Variants in ST6GALNAC3 observed in about 807,000 individuals in gnomAD.
ST6GALNAC3 encodes ST6 N-acetylgalactosaminide alpha-2,6-sialyltransferase 3.
Under a neutral mutation model 32.7 loss-of-function variants are expected in ST6GALNAC3, and 25 were observed. The ratio of observed to expected loss-of-function variants is 0.76; its 90% CI spans 0.56 to 1.07. The LOEUF is 1.07. Among genes scored for constraint, ST6GALNAC3 ranks in the 50% least tolerant of loss-of-function variants. The probability of loss-of-function intolerance (pLI) is 0.00; values close to 1 mark genes in which losing one functional copy is unlikely to be tolerated. For synonymous variants in ST6GALNAC3, 129 were observed against 133.1 expected (o/e 0.97, Z 0.21); for missense variants, 355 against 382.4 (o/e 0.93, Z 0.60).
At chr1:76,289,885 G>T (rs1256537188) in intron 1 of ST6GALNAC3, among the ~76,000 whole-genome samples, 3 of 152,198 alleles carry the variant, frequency 2.0e-5, no homozygotes, top group Non-Finnish European at 4.4e-5. Flanking sequence ...GTCATGAAGG[G>T]AACAGAGGGA....
intron 2 of ST6GALNAC3, among the ~76,000 whole-genome samples, chr1:76,347,107 A>G (rs1648587763): frequency 6.6e-6 from 1 of 152,154 alleles, no homozygotes; most frequent in Admixed American, 6.6e-5. Context: ...AGACAATGTA[A>G]TTTTGTTTGG....
In ST6GALNAC3 at chr1:76,565,294, G is replaced by A. The variant is rs151229870; in HGVS notation, c.624-62158G>A. On this transcript the variant is annotated intron_variant, in intron 3 of 4. Transcript: ENST00000328299. The stretch of plus-strand genomic sequence containing the variant: ...TGGATACCTTCTACACCACACAGGC[G>A]TTAAAGATTTTGGAGAGCTAACCTC... Among the ~76,000 whole-genome samples, 353 of 152,176 alleles carry A rather than the reference G, an allele frequency of 2.3e-3. 1 individual carries two copies. The highest frequency in any genetic ancestry group is 8.0e-3 in the African/African-American group (331 of 41,530).
intron 2 of ST6GALNAC3, among the ~76,000 whole-genome samples, chr1:76,337,792 A>G (rs139678761): frequency 2.8e-4 from 43 of 152,224 alleles, no homozygotes; most frequent in African/African-American, 1.0e-3. Flanking sequence ...GACACTTCCT[A>G]GGTACTTTTG....
chr1:76,412,132 A>T lies in ST6GALNAC3; in HGVS notation c.338A>T (p.Lys113Ile). ...TGGAGAATGAACAATGCCCCCACCA[A>T]AGGTTATGAAGAAGATGTCGGCCGC... ...CIWRMNNAPT[K>I]GYEEDVGRMT... The change falls in exon 3 of 5, where the codon AAA becomes ATA. Residue 113 changes from lysine to isoleucine, a missense_variant. Lys to Ile is a moderately radical substitution (Grantham distance 102). Transcript: ENST00000328299. 6.2e-7 allele frequency: 1 copy of T among 1,613,752 alleles called. No homozygotes were observed.
intron 2 of ST6GALNAC3, among the ~76,000 whole-genome samples, chr1:76,371,417 G>A (rs888917164): frequency 2.0e-5 from 3 of 152,186 alleles, no homozygotes; most frequent in Admixed American, 1.3e-4. Context: ...TTTGAAAACC[G>A]AGAGTTGTAG....
chr1:76,485,702 GT>G (rs1404982426), intron 3 of ST6GALNAC3, among the ~76,000 whole-genome samples: 1 of 151,992 alleles, frequency 6.6e-6, no homozygotes, highest in South Asian at 2.1e-4. Context: ...TTTTTGAAGG[GT>G]TTTTTGTGTC....
chr1:76,259,017 C>T (rs1658078649), intron 1 of ST6GALNAC3, among the ~76,000 whole-genome samples: 1 of 152,154 alleles, frequency 6.6e-6, no homozygotes, highest in Non-Finnish European at 1.5e-5. Flanking sequence ...GATTTATATT[C>T]TCCCTACCTT....
chr1:76,206,710 C>T (rs963441989), intron 1 of ST6GALNAC3, among the ~76,000 whole-genome samples: 4 of 151,098 alleles, frequency 2.6e-5, no homozygotes, highest in Non-Finnish European at 4.4e-5. Context: ...TCCAGCCTGG[C>T]GATAGAGCGA....
At chr1:76,411,974 A>G (rs890666543) in intron 2 of ST6GALNAC3, 34 bp from the exon 3 acceptor site, 73 of 1,589,214 alleles carry the variant, frequency 4.6e-5, no homozygotes, top group Non-Finnish European at 6.1e-5. Context: ...AGTGGAATTT[A>G]CTAATTTACA....
intron 1 of ST6GALNAC3, among the ~76,000 whole-genome samples, chr1:76,184,267 A>G (rs944134605): frequency 1.3e-5 from 2 of 152,110 alleles, no homozygotes; most frequent in Non-Finnish European, 2.9e-5. Flanking sequence ...GGCTGGGTGC[A>G]GTGGCTCACG....
intron 1 of ST6GALNAC3, among the ~76,000 whole-genome samples, chr1:76,160,577 A>C (rs1265458507): frequency 6.6e-6 from 1 of 152,210 alleles, no homozygotes; most frequent in Non-Finnish European, 1.5e-5. Context: ...GGAGGCACCC[A>C]TCTTACTCTC....
intron 1 of ST6GALNAC3, among the ~76,000 whole-genome samples, chr1:76,236,226 G>T (rs916050954): frequency 2.6e-5 from 4 of 152,136 alleles, no homozygotes; most frequent in Admixed American, 2.0e-4. Context: ...AGGATTACAA[G>T]CCTGAGCTAC....
In ST6GALNAC3 at chr1:76,477,228, A is replaced by AT. The variant is rs11337512; in HGVS notation, c.623+64822dup. 5.3e-5 allele frequency among the ~76,000 whole-genome samples: 8 copies of AT among 150,570 alleles called. No individual in the cohort carries two copies. The East Asian group carries it at 5.8e-4, about 11-fold the overall frequency. On this transcript the variant is annotated intron_variant, in intron 3 of 4. Coordinates refer to ENST00000328299, the MANE Select transcript of ST6GALNAC3 (RefSeq NM_152996.4). The stretch of plus-strand genomic sequence containing the variant: ...TCACATTCTTATCTTTTCATCCAGC[A>AT]TTTTTTTTTTTGGTGAATACCATAT...
chr1:76,305,582 G>A (rs1660999579), intron 1 of ST6GALNAC3, among the ~76,000 whole-genome samples: 2 of 152,034 alleles, frequency 1.3e-5, no homozygotes, highest in African/African-American at 4.8e-5. Flanking sequence ...GACTCTTTCG[G>A]GAAAGACAAT....
At chr1:76,477,599 C>T (rs1446104919) in intron 3 of ST6GALNAC3, among the ~76,000 whole-genome samples, 2 of 152,120 alleles carry the variant, frequency 1.3e-5, no homozygotes, top group Non-Finnish European at 2.9e-5. Flanking sequence ...GAAGAAGCAG[C>T]TCAAGATCAC....
At chr1:76,121,690 T>C (rs1387954069) in intron 1 of ST6GALNAC3, among the ~76,000 whole-genome samples, 3 of 152,098 alleles carry the variant, frequency 2.0e-5, no homozygotes, top group Non-Finnish European at 4.4e-5. Context: ...TACTCCAGCC[T>C]GGGCAACAGA....
In ST6GALNAC3 at chr1:76,511,257, C is replaced by G. The variant is rs189774218; in HGVS notation, c.623+98840C>G. ...AGAAGAGAGCTGACATCCTTTAACTCTCATTTGAAGCCCTCAAGTGTCTGA... is the reference window on the plus strand; with the variant it reads ...AGAAGAGAGCTGACATCCTTTAACTGTCATTTGAAGCCCTCAAGTGTCTGA... On this transcript the variant is annotated intron_variant, in intron 3 of 4. Transcript: ENST00000328299. 2.0e-5 allele frequency among the ~76,000 whole-genome samples: 3 copies of G among 152,318 alleles called. No homozygotes were observed. In the East Asian group the frequency reaches 5.8e-4, roughly 29 times the overall value.
At chr1:76,376,327 A>G (rs910923667) in intron 2 of ST6GALNAC3, among the ~76,000 whole-genome samples, 3 of 152,224 alleles carry the variant, frequency 2.0e-5, no homozygotes, top group Admixed American at 6.5e-5. Flanking sequence ...GTGTATTTGC[A>G]TGTGTGTGCA....
chr1:76,426,385 A>G (rs943598576), intron 3 of ST6GALNAC3, among the ~76,000 whole-genome samples: 1 of 151,740 alleles, frequency 6.6e-6, no homozygotes, highest in Non-Finnish European at 1.5e-5. Context: ...CTAGGCCTAC[A>G]CAGGGTCAGC....
Sources: allele counts gnomAD v4.1 joint callset (sites outside exome capture counted in the v4.1 genomes callset), GRCh38; gene constraint gnomAD v4.1.1; transcripts MANE v1.5; gene names NCBI Gene and HGNC (gene_info 2026-07-23, HGNC 2026-07-21).